The following LMTK2 variants were observed in gnomAD, a reference collection of about 807,000 sequenced individuals.
LMTK2 encodes serine/threonine-protein kinase LMTK2.
Under a neutral mutation model 127.5 loss-of-function variants are expected in LMTK2, and 37 were observed. The ratio of observed to expected loss-of-function variants is 0.29; its 90% CI spans 0.22 to 0.38. The LOEUF is 0.38. Among genes scored for constraint, LMTK2 ranks in the 10% least tolerant of loss-of-function variants. LMTK2 has a pLI of 1.00. For missense variants in LMTK2, 1,694 were observed against 1,920.3 expected (o/e 0.88, Z 2.20); for synonymous variants, 819 against 810.1 (o/e 1.01, Z -0.19).
At chr7:98,140,077 A>ACTTTCTTTCTTT (rs1197009143) in intron 2 of LMTK2, among the ~76,000 whole-genome samples, 3 of 23,710 alleles carry the variant, frequency 1.3e-4, no homozygotes, top group African/African-American at 2.7e-4. Context: ...GGTTTCCACA[A>ACTTTCTTTCTTT]CTTTCTTTCT....
chr7:98,195,659 G>A (rs1236074318), intron 11 of LMTK2, among the ~76,000 whole-genome samples: 1 of 152,002 alleles, frequency 6.6e-6, no homozygotes, highest in African/African-American at 2.4e-5. Context: ...GCTCCATTCT[G>A]GGAACCCAGA....
chr7:98,164,402 C>T (rs1297917591), intron 6 of LMTK2, among the ~76,000 whole-genome samples: 1 of 152,136 alleles, frequency 6.6e-6, no homozygotes, highest in Non-Finnish European at 1.5e-5. Context: ...CTTGCCTGCT[C>T]GGATGTTCAT....
At chr7:98,123,612 C>T (rs763711287) in intron 1 of LMTK2, among the ~76,000 whole-genome samples, 20 of 152,064 alleles carry the variant, frequency 1.3e-4, no homozygotes, top group Non-Finnish European at 2.6e-4. Context: ...GTATGAGTCT[C>T]GTTTCATCCA....
intron 5 of LMTK2, among the ~76,000 whole-genome samples, chr7:98,155,512 A>T (rs1409600485): frequency 2.0e-5 from 3 of 152,186 alleles, no homozygotes; most frequent in Non-Finnish European, 4.4e-5. Flanking sequence ...CAAACTTCTG[A>T]AAATGAAAGA....
chr7:98,130,940 T>C (rs553804144), intron 1 of LMTK2, among the ~76,000 whole-genome samples: 1 of 152,362 alleles, frequency 6.6e-6, no homozygotes, highest in East Asian at 1.9e-4. Flanking sequence ...AATTATGATA[T>C]CTGCTTTCTT....
In LMTK2 at chr7:98,170,358, G is replaced by A. The variant is rs147062573; in HGVS notation, c.658-1183G>A. ...GAAACAAATTTAGATTCTTGGAGTG[G>A]ACCTAGAAGTTACCTCAGAATGTAC... On this transcript the variant is annotated intron_variant, in intron 6 of 13. Coordinates refer to ENST00000297293, the MANE Select transcript of LMTK2 (RefSeq NM_014916.4). 4.6e-5 allele frequency among the ~76,000 whole-genome samples: 7 copies of A among 152,304 alleles called. No homozygotes were observed. In the East Asian group the frequency reaches 5.8e-4, roughly 13 times the overall value.
intron 2 of LMTK2, 32 bp from the exon 3 acceptor site, chr7:98,141,365 T>C (rs771211791): frequency 1.9e-6 from 3 of 1,598,962 alleles, no homozygotes. Context: ...TGTTAGCCAA[T>C]GGTTTTTAAT....
In LMTK2 at chr7:98,193,370, T is replaced by C. The variant is rs777352665; in HGVS notation, c.2905T>C (p.Ser969Pro). Residue 969 changes from serine to proline, a missense_variant, in exon 11 of 14, where the codon TCC becomes CCC. This residue lies in a region of LMTK2 where 527 missense variants were observed against 539.8 expected (regional missense o/e 0.98). Transcript: ENST00000297293. This position sits in a 1 kb window ranked among gnomAD's most constrained non-coding sequence, Gnocchi z 4.1. Reference protein sequence around the residue: ...AKEAGLVSALSSDSTSQDSLL... With the variant: ...AKEAGLVSALPSDSTSQDSLL... ...AGAAGCAGGCTTGGTGTCTGCCCTC[T>C]CCTCGGACTCAACCAGTCAGGACAG... 1.9e-6 allele frequency: 3 copies of C among 1,614,128 alleles called. No individual in the cohort carries two copies. In the South Asian group the frequency reaches 3.3e-5, roughly 18 times the overall value.
At chr7:98,131,888 G>A (rs1357410936) in intron 1 of LMTK2, among the ~76,000 whole-genome samples, 1 of 152,210 alleles carries the variant, frequency 6.6e-6, no homozygotes, top group African/African-American at 2.4e-5. Flanking sequence ...TGTGACACCA[G>A]CAGTGAATAA....
chr7:98,180,175 T>C (rs956581732), intron 7 of LMTK2, among the ~76,000 whole-genome samples: 1 of 152,256 alleles, frequency 6.6e-6, no homozygotes, highest in African/African-American at 2.4e-5. Flanking sequence ...TACCGAATTA[T>C]ATCGGTGTTA....
intron 7 of LMTK2, among the ~76,000 whole-genome samples, chr7:98,172,587 A>G (rs1446471905): frequency 1.3e-5 from 2 of 152,166 alleles, no homozygotes; most frequent in Non-Finnish European, 2.9e-5. Context: ...CTTTATGTTT[A>G]AAAACAACAC....
rs561454532 is a variant in LMTK2, at chr7:98,143,745, C to T, written c.376+2204C>T. ...GGGCAACATGTATCAAAATATGAGA[C>T]ATGTTGACTCTTGATCGAGCAGTTC... On this transcript the variant is annotated intron_variant, in intron 3 of 13. Coordinates refer to ENST00000297293, the MANE Select transcript of LMTK2 (RefSeq NM_014916.4). 1.5e-4 allele frequency among the ~76,000 whole-genome samples: 23 copies of T among 152,242 alleles called. No individual in the cohort carries two copies. In the South Asian group the frequency reaches 4.6e-3, roughly 30 times the overall value.
intron 7 of LMTK2, among the ~76,000 whole-genome samples, chr7:98,173,142 G>A (rs1010157857): frequency 8.8e-4 from 134 of 152,278 alleles, no homozygotes; most frequent in African/African-American, 3.1e-3. Flanking sequence ...ACACCTGGTC[G>A]TATTTCTAGA....
intron 7 of LMTK2, among the ~76,000 whole-genome samples, chr7:98,178,647 G>C (rs1413331122): frequency 6.6e-6 from 1 of 152,192 alleles, no homozygotes; most frequent in Non-Finnish European, 1.5e-5. Context: ...GACGTCAAGA[G>C]TTCCCTCTGT....
chr7:98,137,261 T>A, intron 1 of LMTK2, 54 bp from the exon 2 acceptor site: 1 of 1,541,964 alleles, frequency 6.5e-7, no homozygotes, highest in Non-Finnish European at 8.8e-7. Context: ...ATTCACTAAT[T>A]AAAGTTGATT....
chr7:98,118,621 A>G (rs1796320871), intron 1 of LMTK2, among the ~76,000 whole-genome samples: 1 of 152,144 alleles, frequency 6.6e-6, no homozygotes. Flanking sequence ...CAGCATCCAC[A>G]GTATTTTCAT....
chr7:98,146,453 C>T (rs927583574), intron 3 of LMTK2, among the ~76,000 whole-genome samples: 1 of 151,904 alleles, frequency 6.6e-6, no homozygotes. Context: ...GGAGAAGGAA[C>T]AAAATAATCT....
At chr7:98,170,203 C>T (rs1457859056) in intron 6 of LMTK2, among the ~76,000 whole-genome samples, 1 of 152,174 alleles carries the variant, frequency 6.6e-6, no homozygotes, top group Non-Finnish European at 1.5e-5. Context: ...GTAAACATCT[C>T]ATATTGTATT....
chr7:98,168,066 A>G (rs1039152061), intron 6 of LMTK2, among the ~76,000 whole-genome samples: 8 of 152,112 alleles, frequency 5.3e-5, no homozygotes, highest in African/African-American at 1.4e-4. Flanking sequence ...TGAATGGTGG[A>G]TGCAAGTGCT....
Sources: allele counts gnomAD v4.1 joint callset (sites outside exome capture counted in the v4.1 genomes callset), GRCh38; gene constraint gnomAD v4.1.1; regional missense constraint gnomAD v4.1.1; non-coding constraint Gnocchi (gnomAD v3.1); transcripts MANE v1.5; gene names NCBI Gene and HGNC (gene_info 2026-07-23, HGNC 2026-07-21).